The following ACAD8 variants were observed in gnomAD, a reference collection of about 807,000 sequenced individuals.
ACAD8 encodes the protein isobutyryl-CoA dehydrogenase, mitochondrial.
Under a neutral mutation model 53.1 loss-of-function variants are expected in ACAD8, and 47 were observed. That is an observed-to-expected ratio of 0.89 (90% CI 0.70 to 1.13). The LOEUF is 1.13. Among genes scored for constraint, ACAD8 ranks in the 50% most tolerant of loss-of-function variants. The probability of loss-of-function intolerance (pLI) is 0.00; values close to 1 mark genes in which losing one functional copy is unlikely to be tolerated. For missense variants in ACAD8, 494 were observed against 535.0 expected (o/e 0.92, Z 0.76); for synonymous variants, 198 against 201.3 (o/e 0.98, Z 0.14).
intron 1 of ACAD8, among the ~76,000 whole-genome samples, chr11:134,255,930 G>T (rs1939502694): frequency 6.6e-6 from 1 of 152,254 alleles, no homozygotes; most frequent in South Asian, 2.1e-4. Context: ...TTTTGAAACA[G>T]AGTCTTGCTC....
chr11:134,255,439 T>A (rs1452176502), intron 1 of ACAD8, among the ~76,000 whole-genome samples: 2 of 152,188 alleles, frequency 1.3e-5, no homozygotes, highest in Non-Finnish European at 2.9e-5. Context: ...CCTGGCTGGA[T>A]CATATTTATT....
chr11:134,264,280 G>A (rs1392543401), intron 10 of ACAD8, among the ~76,000 whole-genome samples: 1 of 152,198 alleles, frequency 6.6e-6, no homozygotes, highest in Non-Finnish European at 1.5e-5. Context: ...AGGAGGTGGA[G>A]GTTGCAGTGA....
chr11:134,258,482 G>A (rs1376897725), intron 3 of ACAD8, 33 bp from the exon 4 acceptor site: 1 of 1,479,344 alleles, frequency 6.8e-7, no homozygotes. Context: ...CTTTATTTCT[G>A]TCATTGTCTT....
At chr11:134,262,760 C>G (rs759316202) in intron 10 of ACAD8, 138 bp downstream of exon 10, 8 of 1,504,936 alleles carry the variant, frequency 5.3e-6, no homozygotes, top group Middle Eastern at 3.4e-4. Context: ...TCCTCCCTCC[C>G]GTTCCGCAGA....
chr11:134,261,164 G>A lies in ACAD8; in HGVS notation c.826G>A (p.Gly276Arg). ...CATTGCCGTGAGAGGACTGAACGGA[G>A]GGAGGATCAATATTGGTGAGATACG... ...FLIAVRGLNG[G>R]RINIASCSLG... The change falls in exon 7 of 11, where the codon GGG becomes AGG. Residue 276 changes from glycine (G) to arginine (R), a missense_variant. Coordinates refer to ENST00000281182, the MANE Select transcript of ACAD8 (RefSeq NM_014384.3). The surrounding 1 kb of genome is among the most constrained non-coding windows in gnomAD (Gnocchi z 4.2). 1 of 1,613,218 alleles carries A rather than the reference G, an allele frequency of 6.2e-7. No individual in the cohort carries two copies. The highest frequency in any genetic ancestry group is 8.5e-7 in the Non-Finnish European group (1 of 1,179,686).
chr11:134,255,520 G>A (rs1298559293), intron 1 of ACAD8, among the ~76,000 whole-genome samples: 1 of 152,162 alleles, frequency 6.6e-6, no homozygotes, highest in East Asian at 1.9e-4. Flanking sequence ...TTTGAGCCAT[G>A]GTCTACAGTA....
rs757758227 is a variant in ACAD8, at chr11:134,261,603, A to G, written c.940-135A>G. ...CACTTAAAAGCAATAAATTTCCTCT[A>G]TAGAAAAAGCAAGAGACTTTGAAGC... On this transcript the variant is annotated intron_variant, in intron 8 of 10. Coordinates refer to ENST00000281182, the MANE Select transcript of ACAD8 (RefSeq NM_014384.3). The surrounding 1 kb of genome is among the most constrained non-coding windows in gnomAD (Gnocchi z 4.2). The G allele has an allele frequency of 2.6e-6, 4 of 1,549,314 alleles. No homozygotes were observed. Among genetic ancestry groups the G allele is most frequent in the East Asian group, 2.4e-5 (1 of 41,622 alleles).
chr11:134,264,827 C>A, intron 10 of ACAD8, 81 bp from the exon 11 acceptor site: 2 of 1,259,676 alleles, frequency 1.6e-6, no homozygotes, highest in Non-Finnish European at 2.3e-6. Context: ...CTGAACTAGG[C>A]CTGGAGCAGC....
At position 134,262,727 on chromosome 11, in the gene ACAD8, G is replaced by T. The variant is rs963855068; in HGVS notation, c.1195+105G>T. Reference sequence around the variant, plus strand: ...CTCCTGGGCCTCAGGGTGCAGTCAAGCCCTGTCTGTCTCGAGGCTTCCTCC... The same window carrying T: ...CTCCTGGGCCTCAGGGTGCAGTCAATCCCTGTCTGTCTCGAGGCTTCCTCC... On this transcript the variant is annotated intron_variant, in intron 10 of 10. Coordinates refer to ENST00000281182, the MANE Select transcript of ACAD8 (RefSeq NM_014384.3). 3 of 1,520,604 alleles carry T rather than the reference G, an allele frequency of 2.0e-6. No homozygotes were observed. In the African/African-American group the frequency reaches 4.1e-5, roughly 21 times the overall value. 94.2% of individuals were successfully genotyped at this position (1,520,604 alleles called of 1,614,324 possible). A position where few individuals can be genotyped will look rare whatever the true frequency, so the allele number is the denominator to read the frequency against.
At position 134,261,710 on chromosome 11, in the gene ACAD8, G is replaced by A. The variant is rs1166647651; in HGVS notation, c.940-28G>A. 1.9e-6 allele frequency: 3 copies of A among 1,612,090 alleles called. No homozygotes were observed. Among genetic ancestry groups the A allele is most frequent in the Non-Finnish European group, 1.7e-6 (2 of 1,179,974 alleles). ...GTGCTGGTCTAAGCCCCTCAGTCTT[G>A]TCTGGTTCTCTGCTCCCTGTGCTGC... On this transcript the variant is annotated intron_variant, in intron 8 of 10. Coordinates refer to ENST00000281182, the MANE Select transcript of ACAD8 (RefSeq NM_014384.3). The surrounding 1 kb of genome is among the most constrained non-coding windows in gnomAD (Gnocchi z 4.2).
Position 134,261,536 on chromosome 11 carries a change from C to T in ACAD8, c.939+164C>T. On this transcript the variant is annotated intron_variant, in intron 8 of 10. Transcript: ENST00000281182. The surrounding 1 kb of genome is among the most constrained non-coding windows in gnomAD (Gnocchi z 4.2). ...TTCTGTCCATCTTTTCTTGGGATATCTTTAACGATATTAAAGTGTCGGGTG... is the reference window on the plus strand; with the variant it reads ...TTCTGTCCATCTTTTCTTGGGATATTTTTAACGATATTAAAGTGTCGGGTG... 6.6e-7 allele frequency: 1 copy of T among 1,516,482 alleles called. No homozygotes were observed. The highest frequency in any genetic ancestry group is 2.0e-5 in the Admixed American group (1 of 50,952). The allele number at this position is 1,516,482 out of a possible 1,614,324, so 93.9% of individuals were successfully genotyped here.
intron 6 of ACAD8, chr11:134,260,555 T>C: frequency 4.6e-6 from 1 of 216,514 alleles, no homozygotes; most frequent in Non-Finnish European, 9.3e-6. Context: ...AACCATTTCC[T>C]AGGCTTCTAC....
chr11:134,259,052 CAG>C lies in ACAD8; in HGVS notation c.536_537del (p.Gln179ArgfsTer18). 6.2e-7 allele frequency: 1 copy of C among 1,614,192 alleles called. No homozygotes were observed. The highest frequency in any genetic ancestry group is 8.5e-7 in the Non-Finnish European group (1 of 1,180,034). On this transcript the variant is annotated frameshift_variant, in exon 5 of 11. Transcript: ENST00000281182. LOFTEE classifies it high-confidence loss of function. ...CTCTCTTCTGACCTCCGCTAAGAAACAGGGAGATCATTACATCCTCAATGGCT... is the reference window on the plus strand; with the variant it reads ...CTCTCTTCTGACCTCCGCTAAGAAACGGAGATCATTACATCCTCAATGGCT... Reference protein sequence around the residue: ...AASLLTSAKKQGDHYILNGSK... With the variant: ...AASLLTSAKKXGDHYILNGSK...
chr11:134,261,354 G>A lies in ACAD8; in HGVS notation c.921G>A (p.Glu307=), dbSNP rs1481506817. Residue 307 remains glutamate, a synonymous_variant, in exon 8 of 11, where the codon GAG becomes GAA. Transcript: ENST00000281182. This position sits in a 1 kb window ranked among gnomAD's most constrained non-coding sequence, Gnocchi z 4.2. The stretch of plus-strand genomic sequence containing the variant: ...TCAATGTCCGGAAGCAGTTTGGAGA[G>A]CCTCTGGCCAGTAACCAGGTAACCT... ...DHLNVRKQFG[E]PLASNQYLQF... is the part of the protein sequence containing the mutation. 1 of 1,614,128 alleles carries A rather than the reference G, an allele frequency of 6.2e-7. No individual in the cohort carries two copies.
Position 134,265,060 on chromosome 11 carries a change from C to A in ACAD8, c.*100C>A. The A allele has an allele frequency of 3.0e-6, 4 of 1,352,310 alleles. No homozygotes were observed. Among genetic ancestry groups the A allele is most frequent in the South Asian group, 1.2e-5 (1 of 85,758 alleles). The allele number at this position is 1,352,310 out of a possible 1,614,324, so 83.8% of individuals were successfully genotyped here. On this transcript the variant is annotated 3_prime_UTR_variant, in exon 11 of 11. Coordinates refer to ENST00000281182, the MANE Select transcript of ACAD8 (RefSeq NM_014384.3). ...TTCCAAAGGAATCATGGATTAGACC[C>A]AAGGGCTGAGCTCCTCTAGGGCAGG...
intron 1 of ACAD8, among the ~76,000 whole-genome samples, chr11:134,255,494 T>C (rs1313194200): frequency 6.6e-6 from 1 of 152,186 alleles, no homozygotes; most frequent in Admixed American, 6.5e-5. Flanking sequence ...CAATAAACAT[T>C]CTTTTGGAAA....
Position 134,261,568 on chromosome 11 carries a change from G to A in ACAD8, c.940-170G>A, listed in dbSNP as rs1591514844. The A allele has an allele frequency of 1.3e-6, 2 of 1,538,400 alleles. No homozygotes were observed. Among genetic ancestry groups the A allele is most frequent in the Admixed American group, 3.9e-5 (2 of 50,916 alleles). The stretch of plus-strand genomic sequence containing the variant: ...GATATTAAAGTGTCGGGTGAGTGAA[G>A]TGGACTTAGCACTTAAAAGCAATAA... On this transcript the variant is annotated intron_variant, in intron 8 of 10. Transcript: ENST00000281182. This position sits in a 1 kb window ranked among gnomAD's most constrained non-coding sequence, Gnocchi z 4.2.
In ACAD8 at chr11:134,264,920, T is replaced by C. The variant is rs1940102463; in HGVS notation, c.1208T>C (p.Val403Ala). ...CTCCCTCTTACAGGTAGCAATGAAG[T>C]GATGAGGATACTGATCTCTAGAAGC... ...VHQILEGSNEVMRILISRSLL... is the reference protein window; with the variant it reads ...VHQILEGSNEAMRILISRSLL... Residue 403 changes from valine (V) to alanine (A), a missense_variant, in exon 11 of 11, where the codon GTG becomes GCG. Physicochemically the swap from Val to Ala is moderately conservative, Grantham distance 64. Transcript: ENST00000281182. 1.2e-6 allele frequency: 2 copies of C among 1,614,166 alleles called. No homozygotes were observed. The highest frequency in any genetic ancestry group is 4.5e-5 in the East Asian group (2 of 44,872).
intron 2 of ACAD8, 138 bp from the exon 3 acceptor site, chr11:134,256,950 T>A: frequency 1.1e-6 from 1 of 948,954 alleles, no homozygotes; most frequent in Non-Finnish European, 1.7e-6. Flanking sequence ...TGATAACCAC[T>A]GTAAGATGAC....
Sources: gnomAD v4.1 joint callset for allele counts (sites outside exome capture counted in the v4.1 genomes callset) on GRCh38, gnomAD v4.1.1 for gene constraint, Gnocchi (gnomAD v3.1) non-coding constraint, MANE v1.5 for transcripts, NCBI Gene and HGNC (gene_info 2026-07-23, HGNC 2026-07-21) for gene names.